Variants in VPS13B observed in about 807,000 individuals in gnomAD.
VPS13B encodes the protein intermembrane lipid transfer protein VPS13B.
A neutral mutation model predicts 426.4 loss-of-function variants in VPS13B; 285 were observed. The ratio of observed to expected loss-of-function variants is 0.67; its 90% CI spans 0.61 to 0.74. The LOEUF (loss-of-function observed/expected upper bound fraction) is 0.74, where lower values mean the gene tolerates loss of function less well. Ranked by LOEUF, VPS13B falls within the 30% of genes least tolerant of loss-of-function variation. The pLI is 0.00. For missense variants in VPS13B, 4,537 were observed against 4,782.6 expected (o/e 0.95, Z 1.51); for synonymous variants, 1,676 against 1,676.4 (o/e 1.00, Z 0.01).
intron 19 of VPS13B, among the ~76,000 whole-genome samples, chr8:99,297,577 G>A (rs1000439658): frequency 3.3e-5 from 5 of 152,026 alleles, no homozygotes; most frequent in Non-Finnish European, 7.4e-5. Flanking sequence ...AAATGAAAAT[G>A]TCATTTTACT....
At chr8:99,626,633 T>C (rs1828624793) in intron 33 of VPS13B, among the ~76,000 whole-genome samples, 1 of 152,194 alleles carries the variant, frequency 6.6e-6, no homozygotes, top group Non-Finnish European at 1.5e-5. Context: ...ATATCAAGGG[T>C]AACAAGTTTG....
Position 99,476,447 on chromosome 8 carries a change from A to C in VPS13B, c.3667-5152A>C, listed in dbSNP as rs545491217. Among the ~76,000 whole-genome samples, 4 of 147,592 alleles carry C rather than the reference A, an allele frequency of 2.7e-5. No individual in the cohort carries two copies. In the East Asian group the frequency reaches 7.9e-4, roughly 29 times the overall value. ...TTCCATATGCAGTAAGCAAATTCTT[A>C]TTGAGTGCTACATGTAAGGCAGACA... On this transcript the variant is annotated intron_variant, in intron 24 of 61. Coordinates refer to ENST00000357162, the MANE Select transcript of VPS13B (RefSeq NM_152564.5).
chr8:99,675,159 A>G (rs1182663216), intron 35 of VPS13B, among the ~76,000 whole-genome samples: 1 of 151,750 alleles, frequency 6.6e-6, no homozygotes, highest in Admixed American at 6.6e-5. Context: ...TTTGTCCAGG[A>G]AAGTTTTTAT....
intron 8 of VPS13B, among the ~76,000 whole-genome samples, chr8:99,125,916 TG>T (rs1292642922): frequency 1.3e-5 from 2 of 152,050 alleles, no homozygotes; most frequent in Non-Finnish European, 2.9e-5. Context: ...GTTGGGGTTG[TG>T]GAGCTAAAGA....
chr8:99,498,547 A>G (rs1821054401), intron 25 of VPS13B, among the ~76,000 whole-genome samples: 1 of 152,144 alleles, frequency 6.6e-6, no homozygotes, highest in Non-Finnish European at 1.5e-5. Flanking sequence ...AAAAACAATA[A>G]AAAAGAAAAT....
At chr8:99,638,306 A>G (rs77530000) in intron 33 of VPS13B, among the ~76,000 whole-genome samples, 1 of 152,020 alleles carries the variant, frequency 6.6e-6, no homozygotes, top group African/African-American at 2.4e-5. Flanking sequence ...ATAAAACTCA[A>G]TTTTCTCAGC....
Position 99,146,221 on chromosome 8 carries a change from A to G in VPS13B, c.1844-1620A>G, listed in dbSNP as rs115294796. ...TGTCATCATTTTGAATTAATTTTTTACATAAGGAGTGAGGTTTAGATAGGG... is the reference window on the plus strand; with the variant it reads ...TGTCATCATTTTGAATTAATTTTTTGCATAAGGAGTGAGGTTTAGATAGGG... On this transcript the variant is annotated intron_variant, in intron 13 of 61. Coordinates refer to ENST00000357162, the MANE Select transcript of VPS13B (RefSeq NM_152564.5). Among the ~76,000 whole-genome samples the G allele has an allele frequency of 1.5e-3, 224 of 152,294 alleles. 1 individual carries two copies. Among genetic ancestry groups the G allele is most frequent in the African/African-American group, 5.1e-3 (213 of 41,564 alleles).
At chr8:99,428,690 A>G (rs1816887438) in intron 21 of VPS13B, among the ~76,000 whole-genome samples, 1 of 152,194 alleles carries the variant, frequency 6.6e-6, no homozygotes, top group Non-Finnish European at 1.5e-5. Context: ...GTGGGAGTGT[A>G]AACTGGTTCA....
At chr8:99,231,356 T>C (rs1816313414) in intron 17 of VPS13B, among the ~76,000 whole-genome samples, 1 of 152,178 alleles carries the variant, frequency 6.6e-6, no homozygotes, top group Non-Finnish European at 1.5e-5. Context: ...TAGAGGAAAC[T>C]GGTGTTGCAG....
At chr8:99,818,429 C>T (rs1814169382) in intron 45 of VPS13B, 22 bp from the exon 46 acceptor site, 1 of 1,608,324 alleles carries the variant, frequency 6.2e-7, no homozygotes, top group Non-Finnish European at 8.5e-7. Flanking sequence ...TTCAATAGGA[C>T]CCTTTGCTAT....
At chr8:99,715,089 A>G (rs1451678154) in intron 36 of VPS13B, among the ~76,000 whole-genome samples, 1 of 151,742 alleles carries the variant, frequency 6.6e-6, no homozygotes, top group East Asian at 1.9e-4. Context: ...TCAAAATAGA[A>G]AGCTTTTTTT....
intron 4 of VPS13B, among the ~76,000 whole-genome samples, chr8:99,098,472 A>G (rs1053403880): frequency 1.3e-5 from 2 of 152,172 alleles, no homozygotes; most frequent in South Asian, 2.1e-4. Context: ...AATCAGTGGC[A>G]TACAATCCTG....
chr8:99,614,649 A>G lies in VPS13B; in HGVS notation c.5221-27162A>G, dbSNP rs1413929705. 2.6e-5 allele frequency among the ~76,000 whole-genome samples: 4 copies of G among 152,186 alleles called. No individual in the cohort carries two copies. In the East Asian group the frequency reaches 5.8e-4, roughly 22 times the overall value. On this transcript the variant is annotated intron_variant, in intron 33 of 61. Transcript: ENST00000357162. Reference sequence around the variant, plus strand: ...AGGATTATTTTAACCTGAGTATTTCATGGGATTTAGGCTTAATCCGGGTCA... The same window carrying G: ...AGGATTATTTTAACCTGAGTATTTCGTGGGATTTAGGCTTAATCCGGGTCA...
chr8:99,284,789 A>G (rs1819347938), intron 19 of VPS13B, among the ~76,000 whole-genome samples: 1 of 151,886 alleles, frequency 6.6e-6, no homozygotes, highest in Non-Finnish European at 1.5e-5. Flanking sequence ...TTGAACTCCT[A>G]CGTTCAAGCG....
intron 21 of VPS13B, among the ~76,000 whole-genome samples, chr8:99,393,578 A>G (rs1374432793): frequency 2.0e-5 from 3 of 152,156 alleles, no homozygotes; most frequent in Admixed American, 1.3e-4. Flanking sequence ...TCTTATAGAT[A>G]AGGACATTAT....
chr8:99,134,677 G>A lies in VPS13B; in HGVS notation c.1252G>A (p.Val418Ile). ...GAGTAGTTATTACAGTCCACAGAAA[G>A]TAAAATCTAAAGAAGTATTGTGTTG... ...VESSYYSPQKVKSKEVLCWEQ... is the reference protein window; with the variant it reads ...VESSYYSPQKIKSKEVLCWEQ... The change falls in exon 9 of 62, where the codon GTA (valine) becomes ATA (isoleucine). Residue 418 changes from valine to isoleucine, a missense_variant. Physicochemically the swap from Val to Ile is conservative, Grantham distance 29 (BLOSUM62 3). Coordinates refer to ENST00000357162, the MANE Select transcript of VPS13B (RefSeq NM_152564.5). The A allele has an allele frequency of 1.2e-6, 2 of 1,610,348 alleles. No individual in the cohort carries two copies. Among genetic ancestry groups the A allele is most frequent in the Non-Finnish European group, 1.7e-6 (2 of 1,178,060 alleles).
chr8:99,236,927 A>C (rs1816683800), intron 17 of VPS13B, among the ~76,000 whole-genome samples: 1 of 152,190 alleles, frequency 6.6e-6, no homozygotes, highest in South Asian at 2.1e-4. Context: ...CCCCACCCAG[A>C]TCTCATCTTG....
intron 17 of VPS13B, among the ~76,000 whole-genome samples, chr8:99,215,705 A>G (rs1039805636): frequency 1.3e-5 from 2 of 152,120 alleles, no homozygotes; most frequent in African/African-American, 2.4e-5. Flanking sequence ...TTCAGTGCCC[A>G]AGGTTTTCGT....
At chr8:99,471,150 G>A (rs1366542838) in intron 24 of VPS13B, among the ~76,000 whole-genome samples, 1 of 152,058 alleles carries the variant, frequency 6.6e-6, no homozygotes, top group African/African-American at 2.4e-5. Flanking sequence ...AAATGCTAAA[G>A]GAAATTCTGC....
Sources: gnomAD v4.1 joint callset for allele counts (sites outside exome capture counted in the v4.1 genomes callset) on GRCh38, gnomAD v4.1.1 for gene constraint, MANE v1.5 for transcripts, NCBI Gene and HGNC (gene_info 2026-07-23, HGNC 2026-07-21) for gene names.